SLCO1A2: variants seen among roughly 807,000 people sequenced by gnomAD.
The protein encoded by SLCO1A2 is solute carrier organic anion transporter family member 1A2.
A neutral mutation model predicts 69.0 loss-of-function variants in SLCO1A2; 67 were observed. That is an observed-to-expected ratio of 0.97 (90% CI 0.80 to 1.19). SLCO1A2 has a LOEUF of 1.19. Among genes scored for constraint, SLCO1A2 ranks in the 50% most tolerant of loss-of-function variants. The pLI is 0.00. For missense variants in SLCO1A2, 787 were observed against 793.7 expected (o/e 0.99, Z 0.10); for synonymous variants, 260 against 265.9 (o/e 0.98, Z 0.22).
intron 1 of SLCO1A2, among the ~76,000 whole-genome samples, chr12:21,376,562 T>G (rs1259915566): frequency 2.0e-5 from 3 of 152,092 alleles, no homozygotes; most frequent in Non-Finnish European, 4.4e-5. Context: ...GATAATTTGT[T>G]CAAACATTTG....
intron 2 of SLCO1A2, among the ~76,000 whole-genome samples, chr12:21,341,560 T>C (rs184257559): frequency 1.3e-5 from 2 of 152,200 alleles, no homozygotes; most frequent in East Asian, 3.9e-4. Flanking sequence ...TCCAAGAACC[T>C]CTGTCAGTCT....
rs140838227 is a variant in SLCO1A2 at position 21,277,803 on chromosome 12, A to T, written c.1611-2379T>A. 8.5e-5 allele frequency among the ~76,000 whole-genome samples: 13 copies of T among 152,284 alleles called. No individual in the cohort carries two copies. The East Asian group carries it at 2.1e-3, about 25-fold the overall frequency. Reference sequence around the variant, plus strand: ...AATCTAATGCTACAGCTGATCTGACAGGAGGCAGAACTCAGGGGGTAATGC... The same window carrying T: ...AATCTAATGCTACAGCTGATCTGACTGGAGGCAGAACTCAGGGGGTAATGC... On this transcript the variant is annotated intron_variant, in intron 12 of 14. Coordinates refer to ENST00000683939, the MANE Select transcript of SLCO1A2 (RefSeq NM_001386879.1).
chr12:21,357,088 T>C lies in SLCO1A2; in HGVS notation c.-63+17311A>G, dbSNP rs564198373. On this transcript the variant is annotated intron_variant, in intron 2 of 15. Transcript: ENST00000307378. ...AAAGGATAAAAACAAACAAACACTATAGAATGTCCAGAAAACCTTTATGGG... is the reference window on the plus strand; with the variant it reads ...AAAGGATAAAAACAAACAAACACTACAGAATGTCCAGAAAACCTTTATGGG... Among the ~76,000 whole-genome samples the C allele has an allele frequency of 1.1e-4, 17 of 152,192 alleles. No homozygotes were observed. The South Asian group carries it at 3.5e-3, about 32-fold the overall frequency.
intron 1 of SLCO1A2, among the ~76,000 whole-genome samples, chr12:21,402,316 A>G (rs2137193517): frequency 6.6e-6 from 1 of 152,176 alleles, no homozygotes; most frequent in East Asian, 1.9e-4. Flanking sequence ...GAACTTCTGC[A>G]AATTGAAAAG....
intron 13 of SLCO1A2, 182 bp from the exon 14 acceptor site, chr12:21,274,768 ATAAG>A: frequency 1.4e-6 from 1 of 691,324 alleles, no homozygotes; most frequent in East Asian, 3.0e-5. Context: ...TTATTAAAAG[ATAAG>A]TAATCTTATG....
chr12:21,390,633 T>C (rs538106340), intron 1 of SLCO1A2, among the ~76,000 whole-genome samples: 1 of 152,276 alleles, frequency 6.6e-6, no homozygotes, highest in African/African-American at 2.4e-5. Flanking sequence ...AACAATGGAA[T>C]TGATACTAAC....
At chr12:21,293,132 G>A (rs867579554) in intron 11 of SLCO1A2, among the ~76,000 whole-genome samples, 4 of 151,964 alleles carry the variant, frequency 2.6e-5, no homozygotes, top group Admixed American at 6.6e-5. Context: ...GTGAAATCCC[G>A]TCTCTACTAA....
intron 2 of SLCO1A2, among the ~76,000 whole-genome samples, chr12:21,322,341 A>G (rs1205707000): frequency 1.3e-5 from 2 of 152,208 alleles, no homozygotes; most frequent in Admixed American, 1.3e-4. Context: ...ACACAGCCTC[A>G]GGAGGTCCTG....
chr12:21,413,236 TC>T (rs1482869154), intron 1 of SLCO1A2, among the ~76,000 whole-genome samples: 2 of 93,302 alleles, frequency 2.1e-5, no homozygotes, highest in African/African-American at 3.8e-5. Context: ...TTTTTCTTTT[TC>T]TTTTTTTTTT....
chr12:21,417,491 C>T (rs1942006557), intron 1 of SLCO1A2, among the ~76,000 whole-genome samples: 1 of 146,972 alleles, frequency 6.8e-6, no homozygotes, highest in African/African-American at 2.5e-5. Context: ...TAAAAAGAGG[C>T]AATACCAGAA....
rs1321167053 is a variant in SLCO1A2 at position 21,275,399 on chromosome 12, G to A, written c.1636C>T (p.Leu546Phe). 7 of 1,526,788 alleles carry A rather than the reference G, an allele frequency of 4.6e-6. No individual in the cohort carries two copies. The East Asian group carries it at 1.1e-4, about 25-fold the overall frequency. The allele number at this position is 1,526,788 out of a possible 1,614,324, so 94.6% of individuals were successfully genotyped here. A position where few individuals can be genotyped will look rare whatever the true frequency, so the allele number is the denominator to read the frequency against. The change falls in exon 13 of 15, where the codon CTT becomes TTT. Residue 546 changes from leucine (L) to phenylalanine (F), a missense_variant. Coordinates refer to ENST00000683939, the MANE Select transcript of SLCO1A2 (RefSeq NM_001386879.1). ...CAAAATGTATGTAATCCCACACCAA[G>A]GGACTTCTCTTCAGATTTCATACAC... ...LRCMKSEEKS[L>F]GVGLHTFCTR... is the part of the protein sequence containing the mutation.
At chr12:21,367,164 T>A (rs2045940) in intron 2 of SLCO1A2, among the ~76,000 whole-genome samples, 2 of 152,012 alleles carry the variant, frequency 1.3e-5, no homozygotes, top group Non-Finnish European at 2.9e-5. Context: ...GCCACATTAG[T>A]GGTTAGAATA....
At position 21,295,684 on chromosome 12, in the gene SLCO1A2, G is replaced by C. The variant is rs376348406; in HGVS notation, c.1184C>G (p.Ser395Cys). The C allele has an allele frequency of 2.5e-6, 4 of 1,607,992 alleles. No individual in the cohort carries two copies. The African/African-American group carries it at 5.4e-5, about 22-fold the overall frequency. Residue 395 changes from serine to cysteine, a missense_variant, in exon 10 of 15, where the codon TCC becomes TGC. By Grantham distance (112) the Ser-to-Cys change is moderately radical. Transcript: ENST00000683939. The stretch of plus-strand genomic sequence containing the variant: ...AAAATAGAGAAGATACTCAAGTAAG[G>C]ATAACCAACATCCTATGTGGGCAGC... ...KQAAHIGCWLSLLEYLLYFLS... is the reference protein window; with the variant it reads ...KQAAHIGCWLCLLEYLLYFLS...
rs1304297663 is a variant in SLCO1A2 at position 21,269,482 on chromosome 12, A to T, written c.*66T>A. 7.7e-5 allele frequency: 96 copies of T among 1,250,062 alleles called. No individual in the cohort carries two copies. Among genetic ancestry groups the T allele is most frequent in the Non-Finnish European group, 1.1e-4 (96 of 887,490 alleles). 77.4% of individuals were successfully genotyped at this position (1,250,062 alleles called of 1,614,324 possible). ...AAAGTTATCTATTATATCTCTACTG[A>T]TTTTTAAAACAATTAAGTTGTACAG... On this transcript the variant is annotated 3_prime_UTR_variant, in exon 15 of 15. Transcript: ENST00000683939.
At chr12:21,317,073 A>G (rs762354590) in intron 3 of SLCO1A2, among the ~76,000 whole-genome samples, 4 of 152,178 alleles carry the variant, frequency 2.6e-5, no homozygotes, top group Non-Finnish European at 4.4e-5. Flanking sequence ...CTTCCTTTGC[A>G]CCCATATAGT....
chr12:21,312,059 A>T, intron 4 of SLCO1A2, among the ~76,000 whole-genome samples: 1 of 132,714 alleles, frequency 7.5e-6, no homozygotes, highest in South Asian at 2.1e-4. Flanking sequence ...GAGGAGGAGA[A>T]GAAGAAGAGG....
At chr12:21,307,205 T>C (rs576897240) in intron 4 of SLCO1A2, among the ~76,000 whole-genome samples, 5 of 152,348 alleles carry the variant, frequency 3.3e-5, no homozygotes, top group African/African-American at 1.2e-4. Flanking sequence ...TAGCTTTCAA[T>C]AATCTGCCTG....
intron 4 of SLCO1A2, among the ~76,000 whole-genome samples, chr12:21,312,012 G>A (rs1414643861): frequency 6.7e-6 from 1 of 148,910 alleles, no homozygotes; most frequent in Admixed American, 6.7e-5. Flanking sequence ...GAGAAGAAGA[G>A]GAGGAGGGAG....
At chr12:21,296,259 G>A (rs960175965) in intron 9 of SLCO1A2, among the ~76,000 whole-genome samples, 2 of 151,916 alleles carry the variant, frequency 1.3e-5, no homozygotes, top group African/African-American at 4.8e-5. Context: ...TCTTTTTTTA[G>A]AGACAGAATC....
Sources: gnomAD v4.1 joint callset for allele counts (sites outside exome capture counted in the v4.1 genomes callset) on GRCh38, gnomAD v4.1.1 for gene constraint, MANE v1.5 for transcripts, NCBI Gene and HGNC (gene_info 2026-07-23, HGNC 2026-07-21) for gene names.